Variants in VPS13B observed in about 807,000 individuals in gnomAD.
VPS13B encodes vacuolar protein sorting 13 homolog B, also known as intermembrane lipid transfer protein VPS13B.
VPS13B carries 285 observed loss-of-function variants against 426.4 expected under a neutral mutation model. The observed-to-expected ratio is 0.67, with a 90% CI of 0.61 to 0.74. The LOEUF is 0.74. Among genes scored for constraint, VPS13B ranks in the 30% least tolerant of loss-of-function variants. The pLI, the probability that VPS13B is intolerant of heterozygous loss-of-function variation, is 0.00. For missense variants in VPS13B, 4,537 were observed against 4,782.6 expected, an observed-to-expected ratio of 0.95 and a Z score of 1.51; for synonymous variants, 1,676 against 1,676.4, an observed-to-expected ratio of 1.00 and a Z score of 0.01.
intron 19 of VPS13B, among the ~76,000 whole-genome samples, chr8:99,304,909 T>TTAAGAAGTCTGC (rs1292489379): frequency 1.3e-5 from 2 of 152,126 alleles, no homozygotes; most frequent in Admixed American, 6.6e-5. Context: ...AGTTCAGACT[T>TTAAGAAGTCTGC]CTTAGCAGGA....
chr8:99,315,449 T>C (rs1809587077), intron 19 of VPS13B, among the ~76,000 whole-genome samples: 1 of 152,066 alleles, frequency 6.6e-6, no homozygotes, highest in East Asian at 1.9e-4. Flanking sequence ...ATATTTTTAA[T>C]TTTATTCAGC....
At chr8:99,862,038 G>T in intron 58 of VPS13B, 92 bp downstream of exon 58, 3 of 1,404,762 alleles carry the variant, frequency 2.1e-6, no homozygotes, top group Non-Finnish European at 1.9e-6. Flanking sequence ...TTCTGCCTGG[G>T]AATGACCAGG....
At chr8:99,030,220 T>TG (rs1842447422) in intron 2 of VPS13B, among the ~76,000 whole-genome samples, 2 of 65,876 alleles carry the variant, frequency 3.0e-5, no homozygotes, top group East Asian at 5.9e-4. Context: ...CTGTTTTTTT[T>TG]GTTTTTTTTT....
intron 14 of VPS13B, among the ~76,000 whole-genome samples, chr8:99,151,215 T>A (rs1811058975): frequency 6.6e-6 from 1 of 152,238 alleles, no homozygotes; most frequent in Non-Finnish European, 1.5e-5. Flanking sequence ...GCCCATTTTT[T>A]AAGAGTTGTT....
chr8:99,349,258 G>A (rs1811725929), intron 19 of VPS13B, among the ~76,000 whole-genome samples: 1 of 138,882 alleles, frequency 7.2e-6, no homozygotes, highest in African/African-American at 2.7e-5. Context: ...GCGTGTACCC[G>A]GGAGGCGGAG....
intron 19 of VPS13B, among the ~76,000 whole-genome samples, chr8:99,281,693 C>T (rs1356606565): frequency 2.0e-5 from 3 of 152,216 alleles, no homozygotes; most frequent in Non-Finnish European, 4.4e-5. Context: ...GGATCCTTGT[C>T]TTCTGCAGCC....
Position 99,813,165 on chromosome 8 carries a change from A to T in VPS13B, c.8097+3635A>T, listed in dbSNP as rs547599566. On this transcript the variant is annotated intron_variant, in intron 44 of 61. Transcript: ENST00000357162. ...TACTCCACTGAGTGACCATTTTTGG[A>T]TTTTCTTTCATCTAAAGTAGCCTTC... 2.0e-5 allele frequency among the ~76,000 whole-genome samples: 3 copies of T among 152,222 alleles called. No individual in the cohort carries two copies. The East Asian group carries it at 5.8e-4, about 29-fold the overall frequency.
At chr8:99,639,691 A>C (rs4734434) in intron 33 of VPS13B, among the ~76,000 whole-genome samples, 6,699 of 148,120 alleles carry the variant, frequency 0.045, 162 homozygotes, top group East Asian at 0.062. Context: ...TTTTTTTACC[A>C]ATCAAATTAA....
chr8:99,822,592 G>A (rs1048026803), intron 50 of VPS13B, among the ~76,000 whole-genome samples: 1 of 152,212 alleles, frequency 6.6e-6, no homozygotes, highest in South Asian at 2.1e-4. Flanking sequence ...GCCACAGCAA[G>A]TGTTGAATAA....
intron 8 of VPS13B, among the ~76,000 whole-genome samples, chr8:99,123,013 C>T (rs972536847): frequency 2.2e-4 from 33 of 148,378 alleles, no homozygotes; most frequent in African/African-American, 7.7e-4. Context: ...CCCAGCTACT[C>T]GGGAGGCTAA....
chr8:99,178,539 A>G (rs1283573652), intron 16 of VPS13B, among the ~76,000 whole-genome samples: 1 of 152,156 alleles, frequency 6.6e-6, no homozygotes, highest in Non-Finnish European at 1.5e-5. Context: ...AGATCTGGAA[A>G]TGGAGGATTA....
chr8:99,544,352 T>C (rs1162577884), intron 30 of VPS13B, among the ~76,000 whole-genome samples: 4 of 152,096 alleles, frequency 2.6e-5, no homozygotes, highest in Admixed American at 6.5e-5. Flanking sequence ...TTGGGAGATA[T>C]ACCTAATGCT....
chr8:99,816,933 T>A (rs1222320644), intron 44 of VPS13B, among the ~76,000 whole-genome samples: 1 of 152,192 alleles, frequency 6.6e-6, no homozygotes, highest in Non-Finnish European at 1.5e-5. Context: ...AAAATCAACT[T>A]CAAGGAATAG....
intron 21 of VPS13B, among the ~76,000 whole-genome samples, chr8:99,425,801 C>T (rs960966717): frequency 2.0e-5 from 3 of 152,256 alleles, no homozygotes; most frequent in South Asian, 4.2e-4. Flanking sequence ...ATCTAGAAAA[C>T]CCCATCATCT....
intron 39 of VPS13B, among the ~76,000 whole-genome samples, chr8:99,745,592 A>G (rs1810040496): frequency 6.6e-6 from 1 of 152,144 alleles, no homozygotes; most frequent in African/African-American, 2.4e-5. Flanking sequence ...GTGTGTATAT[A>G]TACAGAGAGA....
chr8:99,568,839 T>A (rs1825323980), intron 31 of VPS13B, among the ~76,000 whole-genome samples: 1 of 147,024 alleles, frequency 6.8e-6, no homozygotes, highest in African/African-American at 2.5e-5. Context: ...TGAGATGGAG[T>A]CTTGCTCTAT....
intron 54 of VPS13B, among the ~76,000 whole-genome samples, chr8:99,846,609 T>C (rs1239156278): frequency 2.0e-5 from 3 of 152,194 alleles, no homozygotes; most frequent in Non-Finnish European, 2.9e-5. Flanking sequence ...TAGACTAAAG[T>C]CTGTGTTTCT....
At chr8:99,812,447 A>C (rs948091895) in intron 44 of VPS13B, among the ~76,000 whole-genome samples, 7 of 152,152 alleles carry the variant, frequency 4.6e-5, no homozygotes, top group Admixed American at 2.6e-4. Context: ...CTGCCTAATT[A>C]CCAGGGCCCA....
At chr8:99,602,047 G>T (rs915610939) in intron 33 of VPS13B, among the ~76,000 whole-genome samples, 8 of 152,098 alleles carry the variant, frequency 5.3e-5, no homozygotes, top group Admixed American at 1.3e-4. Flanking sequence ...CATTGCTTTT[G>T]GTGTTTTAGT....
Sources: gnomAD v4.1 joint callset for allele counts (sites outside exome capture counted in the v4.1 genomes callset) on GRCh38, gnomAD v4.1.1 for gene constraint, MANE v1.5 for transcripts, NCBI Gene and HGNC (gene_info 2026-07-23, HGNC 2026-07-21) for gene names.